Variants in XPNPEP3 observed in about 807,000 individuals in gnomAD.
The protein encoded by XPNPEP3 is xaa-Pro aminopeptidase 3.
In XPNPEP3, 41 loss-of-function variants were observed where a neutral mutation model predicts 60.0. The observed-to-expected ratio is 0.68, with a 90% CI of 0.53 to 0.89. XPNPEP3 has a LOEUF of 0.89. Among genes scored for constraint, XPNPEP3 ranks in the 40% least tolerant of loss-of-function variants. The probability of loss-of-function intolerance (pLI) is 0.00; values close to 1 mark genes in which losing one functional copy is unlikely to be tolerated. For missense variants in XPNPEP3, 598 were observed against 638.9 expected (o/e 0.94, Z 0.69); for synonymous variants, 212 against 223.2 (o/e 0.95, Z 0.45).
At chr22:40,862,155 GATT>G (rs1481628504) in intron 1 of XPNPEP3, 1 of 1,433,018 alleles carries the variant, frequency 7.0e-7, no homozygotes, top group Non-Finnish European at 9.1e-7. Context: ...TGAGGATACT[GATT>G]ATGTGGCAAG....
At chr22:40,857,345 G>A in intron 1 of XPNPEP3, 100 bp downstream of exon 1, 2 of 1,331,616 alleles carry the variant, frequency 1.5e-6, no homozygotes, top group Non-Finnish European at 2.1e-6. Context: ...CTCCTGGTGG[G>A]GCCTCCGCTC....
chr22:40,909,768 GTC>G (rs2058170362), intron 6 of XPNPEP3, among the ~76,000 whole-genome samples: 1 of 151,614 alleles, frequency 6.6e-6, no homozygotes, highest in South Asian at 2.1e-4. Context: ...GCAAGACTCT[GTC>G]TCTAAATAAA....
chr22:40,897,088 G>A (rs1485980910), intron 4 of XPNPEP3, among the ~76,000 whole-genome samples: 1 of 139,626 alleles, frequency 7.2e-6, no homozygotes, highest in Non-Finnish European at 1.5e-5. Flanking sequence ...CTGGAGTGCA[G>A]TGGCGCAATC....
At chr22:40,870,259 A>G (rs2057998588) in intron 2 of XPNPEP3, 1 of 291,910 alleles carries the variant, frequency 3.4e-6, no homozygotes, top group South Asian at 2.8e-5. Flanking sequence ...TTTGAAAATT[A>G]CTGATTTCTT....
chr22:40,893,132 G>T (rs901242044), intron 4 of XPNPEP3, among the ~76,000 whole-genome samples: 2 of 145,808 alleles, frequency 1.4e-5, no homozygotes, highest in African/African-American at 2.5e-5. Context: ...ATTATATATT[G>T]TATATTATAT....
At chr22:40,901,436 T>C (rs1484000729) in intron 4 of XPNPEP3, among the ~76,000 whole-genome samples, 1 of 151,904 alleles carries the variant, frequency 6.6e-6, no homozygotes, top group Non-Finnish European at 1.5e-5. Context: ...GGTTTCTCCA[T>C]GTTGGTCAGG....
In XPNPEP3 at chr22:40,861,327, AG is replaced by A. The variant is rs772948802; in HGVS notation, c.64+4083del. 1.1e-5 allele frequency: 17 copies of A among 1,614,070 alleles called. No homozygotes were observed. In the Admixed American group the frequency reaches 2.0e-4, roughly 19 times the overall value. On this transcript the variant is annotated intron_variant, in intron 1 of 9. Coordinates refer to ENST00000357137, the MANE Select transcript of XPNPEP3 (RefSeq NM_022098.4). ...CTCTTCATTGGCCACACTATTTACAAGAAAAAATGTCAACTCTCCATTATCT... is the reference window on the plus strand; with the variant it reads ...CTCTTCATTGGCCACACTATTTACAAAAAAAATGTCAACTCTCCATTATCT...
intron 1 of XPNPEP3, among the ~76,000 whole-genome samples, chr22:40,863,649 T>G (rs1440510085): frequency 3.9e-5 from 6 of 152,224 alleles, no homozygotes; most frequent in African/African-American, 1.4e-4. Context: ...TACCCATGAT[T>G]ATAATTTGCC....
Position 40,914,308 on chromosome 22 carries a change from T to C in XPNPEP3, c.1039T>C (p.Trp347Arg). Residue 347 changes from tryptophan to arginine, a missense_variant, in exon 7 of 10, where the codon TGG (tryptophan) becomes CGG (arginine). By Grantham distance (101) the Trp-to-Arg change is moderately radical (BLOSUM62 -3). Coordinates refer to ENST00000357137, the MANE Select transcript of XPNPEP3 (RefSeq NM_022098.4). Reference protein sequence around the residue: ...SCYVSDITRTWPVNGRFTAPQ... With the variant: ...SCYVSDITRTRPVNGRFTAPQ... ...CTATGTGAGTGACATCACACGTACG[T>C]GGCCAGTCAATGGCAGGTAGGGCTT... 1 of 1,614,006 alleles carries C rather than the reference T, an allele frequency of 6.2e-7. No individual in the cohort carries two copies. The highest frequency in any genetic ancestry group is 8.5e-7 in the Non-Finnish European group (1 of 1,179,966).
chr22:40,898,262 T>C (rs1408728192), intron 4 of XPNPEP3, among the ~76,000 whole-genome samples: 1 of 93,204 alleles, frequency 1.1e-5, no homozygotes, highest in South Asian at 3.3e-4. Context: ...TTTTTTTTTT[T>C]TTGAGACGGA....
chr22:40,874,496 G>A (rs1038478717), intron 2 of XPNPEP3, among the ~76,000 whole-genome samples: 1 of 152,082 alleles, frequency 6.6e-6, no homozygotes, highest in Non-Finnish European at 1.5e-5. Flanking sequence ...CGAGATCATG[G>A]CTCACTGGAG....
At chr22:40,923,339 T>C (rs2058223577) in intron 8 of XPNPEP3, among the ~76,000 whole-genome samples, 1 of 152,112 alleles carries the variant, frequency 6.6e-6, no homozygotes, top group South Asian at 2.1e-4. Flanking sequence ...CCAAAGACCA[T>C]GTCATTAGTG....
intron 2 of XPNPEP3, 29 bp from the exon 3 acceptor site, chr22:40,881,741 A>G: frequency 6.2e-7 from 1 of 1,613,164 alleles, no homozygotes; most frequent in Non-Finnish European, 8.5e-7. Context: ...GCAGAAATGT[A>G]AAGCATCCCT....
At position 40,857,177 on chromosome 22, in the gene XPNPEP3, C is replaced by T; in HGVS notation, c.-5C>T. The T allele has an allele frequency of 1.2e-6, 2 of 1,614,170 alleles. No individual in the cohort carries two copies. Among genetic ancestry groups the T allele is most frequent in the African/African-American group, 1.3e-5 (1 of 75,066 alleles). ...TTCTCTTCCCGACGCGTGAGTTAGG[C>T]CGTAATGCCTTGGCTGCTCTCAGCC... On this transcript the variant is annotated 5_prime_UTR_variant, in exon 1 of 10. Coordinates refer to ENST00000357137, the MANE Select transcript of XPNPEP3 (RefSeq NM_022098.4).
chr22:40,894,823 A>G (rs962877097), intron 4 of XPNPEP3, among the ~76,000 whole-genome samples: 1 of 152,180 alleles, frequency 6.6e-6, no homozygotes, highest in African/African-American at 2.4e-5. Flanking sequence ...GAATTTTCAT[A>G]GAGATTTCCA....
intron 1 of XPNPEP3, among the ~76,000 whole-genome samples, chr22:40,868,327 T>A (rs962110272): frequency 2.6e-5 from 4 of 152,190 alleles, no homozygotes; most frequent in Non-Finnish European, 5.9e-5. Flanking sequence ...ATCTCTGTGA[T>A]ACCCTTTCAA....
At chr22:40,861,939 A>G in intron 1 of XPNPEP3, 1 of 1,613,008 alleles carries the variant, frequency 6.2e-7, no homozygotes, top group Non-Finnish European at 8.5e-7. Context: ...AGCTTTTTTA[A>G]TGTCCTCAGG....
intron 2 of XPNPEP3, 129 bp downstream of exon 2, chr22:40,869,244 AT>A: frequency 1.3e-6 from 1 of 747,612 alleles, no homozygotes; most frequent in Non-Finnish European, 2.4e-6. Context: ...TCACATGGCC[AT>A]TTTACACTAA....
chr22:40,893,235 C>T (rs147265531), intron 4 of XPNPEP3, among the ~76,000 whole-genome samples: 13 of 148,812 alleles, frequency 8.7e-5, no homozygotes, highest in East Asian at 3.9e-4. Flanking sequence ...TACATCTGGC[C>T]GGGCGCTTAT....
Sources: gnomAD v4.1 joint callset for allele counts (sites outside exome capture counted in the v4.1 genomes callset) on GRCh38, gnomAD v4.1.1 for gene constraint, MANE v1.5 for transcripts, NCBI Gene and HGNC (gene_info 2026-07-23, HGNC 2026-07-21) for gene names.